The following JAZF1 variants were observed in gnomAD, a reference collection of about 807,000 sequenced individuals.
The protein encoded by JAZF1 is JAZF zinc finger 1.
A neutral mutation model predicts 26.4 loss-of-function variants in JAZF1; 8 were observed. The ratio of observed to expected loss-of-function variants is 0.30; its 90% CI spans 0.18 to 0.55. The LOEUF (loss-of-function observed/expected upper bound fraction) is 0.55, where lower values mean the gene tolerates loss of function less well. Among genes scored for constraint, JAZF1 ranks in the 20% least tolerant of loss-of-function variants. JAZF1 has a pLI of 0.94. For synonymous variants in JAZF1, 126 were observed against 122.3 expected, an observed-to-expected ratio of 1.03 and a Z score of -0.20; for missense variants, 199 against 322.0, an observed-to-expected ratio of 0.62 and a Z score of 2.92.
At chr7:28,072,853 C>T (rs1318428593) in intron 1 of JAZF1, among the ~76,000 whole-genome samples, 2 of 152,132 alleles carry the variant, frequency 1.3e-5, no homozygotes, top group African/African-American at 2.4e-5. Flanking sequence ...AACTTGCATA[C>T]ACCTTTCAGA....
chr7:27,988,920 T>TAA (rs57661404), intron 2 of JAZF1, among the ~76,000 whole-genome samples: 9,175 of 83,502 alleles, frequency 0.11, 539 homozygotes, highest in African/African-American at 0.16. Context: ...AGAATCTCTG[T>TAA]AAAAAAAAAA....
chr7:27,846,820 A>T (rs1475242195), intron 3 of JAZF1, among the ~76,000 whole-genome samples: 1 of 152,068 alleles, frequency 6.6e-6, no homozygotes, highest in African/African-American at 2.4e-5. Flanking sequence ...TCTGCTATTG[A>T]GTTGTATGAG....
chr7:27,863,381 G>A (rs995466024), intron 3 of JAZF1, among the ~76,000 whole-genome samples: 5 of 152,074 alleles, frequency 3.3e-5, no homozygotes, highest in African/African-American at 1.2e-4. Context: ...CCTCTCCTTG[G>A]ACTTTCTTCT....
At chr7:28,035,313 C>CAGAAAAA (rs1783268685) in intron 1 of JAZF1, among the ~76,000 whole-genome samples, 1 of 27,470 alleles carries the variant, frequency 3.6e-5, no homozygotes, top group Non-Finnish European at 6.6e-5. Flanking sequence ...GACTCCATCT[C>CAGAAAAA]AAAAAAAAAA....
At chr7:27,919,748 C>T (rs1222273723) in intron 2 of JAZF1, among the ~76,000 whole-genome samples, 2 of 152,138 alleles carry the variant, frequency 1.3e-5, no homozygotes, top group Non-Finnish European at 2.9e-5. Context: ...GAAGATTGGA[C>T]CAGCAGTCCA....
At chr7:28,023,318 T>C (rs750302759) in intron 1 of JAZF1, among the ~76,000 whole-genome samples, 25 of 152,266 alleles carry the variant, frequency 1.6e-4, no homozygotes, top group Non-Finnish European at 2.9e-4. Context: ...TGCTAAGCCT[T>C]TGCTCTTATG....
At chr7:28,114,841 C>T (rs577070685) in intron 1 of JAZF1, among the ~76,000 whole-genome samples, 3 of 151,338 alleles carry the variant, frequency 2.0e-5, no homozygotes, top group South Asian at 2.1e-4. Flanking sequence ...GCCACGTGAA[C>T]GGGGCTTATA....
In JAZF1 at chr7:27,999,920, G is replaced by GAGGGCTATAA. The variant is rs1252047463; in HGVS notation, c.116-7949_116-7940dup. On this transcript the variant is annotated intron_variant, in intron 1 of 4. Coordinates refer to ENST00000283928, the MANE Select transcript of JAZF1 (RefSeq NM_175061.4). ...ACATCCCACCAAGCACAGATGTTCAGAGGGCTATAAAATGATGTACAATTC... is the reference window on the plus strand; with the variant it reads ...ACATCCCACCAAGCACAGATGTTCAGAGGGCTATAAAGGGCTATAAAATGATGTACAATTC... Among the ~76,000 whole-genome samples the GAGGGCTATAA allele has an allele frequency of 8.1e-4, 123 of 152,152 alleles. 7 individuals are homozygous for GAGGGCTATAA. Among genetic ancestry groups the GAGGGCTATAA allele is most frequent in the Non-Finnish European group, 1.0e-4 (7 of 68,030 alleles).
In JAZF1 at chr7:27,832,735, A is replaced by G; in HGVS notation, c.*65T>C. 7.7e-7 allele frequency: 1 copy of G among 1,302,230 alleles called. No homozygotes were observed. The highest frequency in any genetic ancestry group is 1.9e-5 in the South Asian group (1 of 53,434). 80.7% of individuals were successfully genotyped at this position (1,302,230 alleles called of 1,614,324 possible). On this transcript the variant is annotated 3_prime_UTR_variant, in exon 5 of 5. Transcript: ENST00000283928. ...GTTGCTGAATGCTTCCCCTGAAAAA[A>G]GGTGGCTGTTTTCAAAATCAGCAAC...
At position 27,995,718 on chromosome 7, in the gene JAZF1, G is replaced by C. The variant is rs188295555; in HGVS notation, c.116-3737C>G. On this transcript the variant is annotated intron_variant, in intron 1 of 4. Coordinates refer to ENST00000283928, the MANE Select transcript of JAZF1 (RefSeq NM_175061.4). Reference sequence around the variant, plus strand: ...CAGGGGATGAGATTCTGAATGCACAGCTCTATTATAAGGACTTGGCTATGT... The same window carrying C: ...CAGGGGATGAGATTCTGAATGCACACCTCTATTATAAGGACTTGGCTATGT... 4.6e-5 allele frequency among the ~76,000 whole-genome samples: 7 copies of C among 152,244 alleles called. No individual in the cohort carries two copies. The East Asian group carries it at 1.3e-3, about 29-fold the overall frequency.
At chr7:28,150,735 G>T (rs1178126383) in intron 1 of JAZF1, among the ~76,000 whole-genome samples, 1 of 152,214 alleles carries the variant, frequency 6.6e-6, no homozygotes, top group Non-Finnish European at 1.5e-5. Context: ...GGAAGCCTGT[G>T]TGTCCACCTG....
chr7:27,907,667 C>G (rs1784286326), intron 2 of JAZF1, among the ~76,000 whole-genome samples: 1 of 152,082 alleles, frequency 6.6e-6, no homozygotes, highest in Admixed American at 6.5e-5. Context: ...CTGGAGGTGT[C>G]CAGTTAATTA....
At chr7:27,882,467 G>A (rs531573588) in intron 3 of JAZF1, among the ~76,000 whole-genome samples, 1 of 152,286 alleles carries the variant, frequency 6.6e-6, no homozygotes, top group South Asian at 2.1e-4. Context: ...AATTTTGGTT[G>A]CAAGGTGCCA....
intron 1 of JAZF1, among the ~76,000 whole-genome samples, chr7:28,032,238 G>T (rs1332313635): frequency 1.3e-5 from 2 of 152,114 alleles, no homozygotes; most frequent in Non-Finnish European, 2.9e-5. Flanking sequence ...ACCTGCAAAA[G>T]GGAACTGTGA....
intron 1 of JAZF1, among the ~76,000 whole-genome samples, chr7:28,121,428 G>C (rs984429407): frequency 6.6e-6 from 1 of 152,160 alleles, no homozygotes. Flanking sequence ...TAGAGTCCAG[G>C]AATCATCTAT....
chr7:28,112,851 C>G (rs1170006017), intron 1 of JAZF1, among the ~76,000 whole-genome samples: 1 of 152,174 alleles, frequency 6.6e-6, no homozygotes. Context: ...ACAAAACTCA[C>G]TTTTAAAAAC....
At chr7:28,180,375 G>C in intron 1 of JAZF1, 88 bp downstream of exon 1, 8 of 443,632 alleles carry the variant, frequency 1.8e-5, no homozygotes, top group East Asian at 1.1e-4. Flanking sequence ...CTCCCTCCCC[G>C]CCGGCCACCC....
intron 2 of JAZF1, among the ~76,000 whole-genome samples, chr7:27,988,495 C>T (rs1244891990): frequency 6.6e-6 from 1 of 151,990 alleles, no homozygotes; most frequent in Non-Finnish European, 1.5e-5. Context: ...CCGCTTTAGC[C>T]TCCCCGTGTA....
At chr7:28,171,507 G>A (rs1783468960) in intron 1 of JAZF1, among the ~76,000 whole-genome samples, 2 of 152,200 alleles carry the variant, frequency 1.3e-5, no homozygotes, top group African/African-American at 4.8e-5. Flanking sequence ...CTGAGTTTCT[G>A]GGGGAGGAAA....
Sources: gnomAD v4.1 joint callset for allele counts (sites outside exome capture counted in the v4.1 genomes callset) on GRCh38, gnomAD v4.1.1 for gene constraint, MANE v1.5 for transcripts, NCBI Gene and HGNC (gene_info 2026-07-23, HGNC 2026-07-21) for gene names.